The following DGKB variants were observed in gnomAD, a reference collection of about 807,000 sequenced individuals.
The protein encoded by DGKB is 90 kDa diacylglycerol kinase.
Under a neutral mutation model 114.3 loss-of-function variants are expected in DGKB, and 67 were observed. The observed-to-expected ratio is 0.59, with a 90% confidence interval of 0.48 to 0.72. The LOEUF (loss-of-function observed/expected upper bound fraction) is 0.72, where lower values mean the gene tolerates loss of function less well. DGKB is among the 30% of genes least tolerant of loss of function. The probability of loss-of-function intolerance (pLI) is 0.00; values close to 1 mark genes in which losing one functional copy is unlikely to be tolerated. For synonymous variants in DGKB, 398 were observed against 323.1 expected (o/e 1.23, Z -2.49); for missense variants, 907 against 975.2 (o/e 0.93, Z 0.93).
intron 23 of DGKB, among the ~76,000 whole-genome samples, chr7:14,259,341 G>A (rs1049869470): frequency 1.3e-5 from 2 of 151,144 alleles, no homozygotes; most frequent in African/African-American, 4.9e-5. Flanking sequence ...AATCTTTCGT[G>A]TTCATTCAAA....
intron 23 of DGKB, among the ~76,000 whole-genome samples, chr7:14,242,186 G>A (rs189659913): frequency 5.3e-4 from 80 of 152,244 alleles, no homozygotes; most frequent in Non-Finnish European, 7.9e-4. Context: ...TTCCTTCACA[G>A]AGACCAGTCT....
Position 14,841,383 on chromosome 7 carries a change from T to A in DGKB, c.-120A>T. On this transcript the variant is annotated 5_prime_UTR_variant, in exon 2 of 26. It removes the in-frame stop codon of an upstream open reading frame in the 5' UTR. Coordinates refer to ENST00000402815, the MANE Select transcript of DGKB (RefSeq NM_001350709.2). Reference sequence around the variant, plus strand: ...TTTCATGATAAAATACCTCAGGCTTTCAAAATATGCAATCTGTCCACATGA... The same window carrying A: ...TTTCATGATAAAATACCTCAGGCTTACAAAATATGCAATCTGTCCACATGA... The A allele has an allele frequency of 1.3e-6, 1 of 774,858 alleles. No individual in the cohort carries two copies. The allele number at this position is 774,858 out of a possible 1,614,324, so 48.0% of individuals were successfully genotyped here. A position where few individuals can be genotyped will look rare whatever the true frequency, so the allele number is the denominator to read the frequency against.
chr7:14,429,933 CAA>C (rs368322026), intron 21 of DGKB, among the ~76,000 whole-genome samples: 1 of 103,892 alleles, frequency 9.6e-6, no homozygotes, highest in Admixed American at 9.0e-5. Flanking sequence ...TCCCCCCCCC[CAA>C]AAAAAAGGCA....
chr7:14,289,846 T>C (rs1801477443), intron 23 of DGKB, among the ~76,000 whole-genome samples: 1 of 151,700 alleles, frequency 6.6e-6, no homozygotes, highest in South Asian at 2.1e-4. Context: ...ACAAACACCT[T>C]GGTAAAGGCA....
chr7:14,663,946 A>G (rs1024509760), intron 13 of DGKB, among the ~76,000 whole-genome samples: 6 of 151,986 alleles, frequency 3.9e-5, no homozygotes, highest in African/African-American at 1.4e-4. Context: ...TTGGCCTTCC[A>G]TCAAAATTAC....
At chr7:14,160,549 C>G (rs1783726309) in intron 25 of DGKB, among the ~76,000 whole-genome samples, 1 of 152,068 alleles carries the variant, frequency 6.6e-6, no homozygotes, top group Non-Finnish European at 1.5e-5. Context: ...AGGAATACGA[C>G]TTACTTACAA....
intron 17 of DGKB, among the ~76,000 whole-genome samples, chr7:14,598,537 C>G (rs574598584): frequency 6.6e-6 from 1 of 152,148 alleles, no homozygotes; most frequent in African/African-American, 2.4e-5. Context: ...AATGATATCA[C>G]TGGAGCTCTC....
At chr7:14,190,122 G>A (rs1030990701) in intron 23 of DGKB, among the ~76,000 whole-genome samples, 5 of 152,054 alleles carry the variant, frequency 3.3e-5, no homozygotes, top group Non-Finnish European at 5.9e-5. Flanking sequence ...CACATGGAAC[G>A]TTCTCCAGGA....
intron 25 of DGKB, 59 bp downstream of exon 25, chr7:14,176,780 T>C: frequency 6.4e-7 from 1 of 1,567,218 alleles, no homozygotes. Context: ...TGTGGTTATT[T>C]AGTCAAAGAG....
chr7:14,959,860 A>G (rs1328421437), intron 1 of DGKB, among the ~76,000 whole-genome samples: 1 of 152,042 alleles, frequency 6.6e-6, no homozygotes, highest in Non-Finnish European at 1.5e-5. Flanking sequence ...AAATGTCTAT[A>G]TACCTAAAAA....
At chr7:14,180,848 C>T (rs921366855) in intron 23 of DGKB, among the ~76,000 whole-genome samples, 1 of 152,060 alleles carries the variant, frequency 6.6e-6, no homozygotes, top group Non-Finnish European at 1.5e-5. Context: ...GACTTCCTCA[C>T]CTCACATTCT....
intron 20 of DGKB, among the ~76,000 whole-genome samples, chr7:14,572,905 A>G (rs185355479): frequency 4.6e-5 from 7 of 152,296 alleles, no homozygotes; most frequent in Non-Finnish European, 7.4e-5. Context: ...GAGATTTTAG[A>G]TATTTTTAAA....
intron 21 of DGKB, among the ~76,000 whole-genome samples, chr7:14,374,181 CAT>C (rs369081768): frequency 6.6e-6 from 1 of 152,248 alleles, no homozygotes; most frequent in Non-Finnish European, 1.5e-5. Flanking sequence ...TTTACTTGCT[CAT>C]ATGTGACTCA....
chr7:14,467,481 C>A (rs1295567925), intron 21 of DGKB, among the ~76,000 whole-genome samples: 1 of 151,404 alleles, frequency 6.6e-6, no homozygotes. Context: ...TATATATATA[C>A]TTATATAAAA....
intron 23 of DGKB, among the ~76,000 whole-genome samples, chr7:14,304,340 C>G (rs777788080): frequency 6.6e-6 from 1 of 151,726 alleles, no homozygotes; most frequent in African/African-American, 2.4e-5. Context: ...TTTTATATTG[C>G]GGTGTTTTAT....
chr7:14,880,940 C>A (rs1000217332), intron 1 of DGKB, among the ~76,000 whole-genome samples: 1 of 151,978 alleles, frequency 6.6e-6, no homozygotes, highest in African/African-American at 2.4e-5. Flanking sequence ...AATAAAAATT[C>A]CTTGTCATAT....
intron 13 of DGKB, among the ~76,000 whole-genome samples, chr7:14,671,699 G>C (rs1202482533): frequency 6.6e-6 from 1 of 152,064 alleles, no homozygotes; most frequent in Non-Finnish European, 1.5e-5. Context: ...GTAGTAGGAA[G>C]AAATCATAGA....
In DGKB at chr7:14,507,285, T is replaced by G. The variant is rs564363614; in HGVS notation, c.1771-29060A>C. Reference sequence around the variant, plus strand: ...GGCAATTCAGAATCTAGTATCTTATTCACTGGGCATCATAAATTAAAATTA... The same window carrying G: ...GGCAATTCAGAATCTAGTATCTTATGCACTGGGCATCATAAATTAAAATTA... On this transcript the variant is annotated intron_variant, in intron 20 of 25. Transcript: ENST00000402815. 8.5e-5 allele frequency among the ~76,000 whole-genome samples: 13 copies of G among 152,306 alleles called. No homozygotes were observed. In the South Asian group the frequency reaches 1.7e-3, roughly 19 times the overall value.
chr7:14,264,790 C>A (rs1035171419), intron 23 of DGKB, among the ~76,000 whole-genome samples: 2 of 152,150 alleles, frequency 1.3e-5, no homozygotes, highest in Non-Finnish European at 2.9e-5. Flanking sequence ...CAGATAACCA[C>A]AGCCACAGCC....
Sources: gnomAD v4.1 joint callset for allele counts (sites outside exome capture counted in the v4.1 genomes callset) on GRCh38, gnomAD v4.1.1 for gene constraint, MANE v1.5 for transcripts, NCBI Gene and HGNC (gene_info 2026-07-23, HGNC 2026-07-21) for gene names.